DLGAP2: variants seen among roughly 807,000 people sequenced by gnomAD.
The protein encoded by DLGAP2 is DLG associated protein 2.
A neutral mutation model predicts 100.3 loss-of-function variants in DLGAP2; 26 were observed. The observed-to-expected ratio is 0.26, with a 90% CI of 0.19 to 0.36. The LOEUF is 0.36. Ranked by LOEUF, DLGAP2 falls within the 10% of genes least tolerant of loss-of-function variation. The probability of loss-of-function intolerance (pLI) is 1.00; values close to 1 mark genes in which losing one functional copy is unlikely to be tolerated. For missense variants in DLGAP2, 1,858 were observed against 1,453.2 expected (o/e 1.28, Z -4.53); for synonymous variants, 886 against 630.1 (o/e 1.41, Z -6.08).
In DLGAP2 at chr8:1,598,860, A is replaced by G. The variant is rs143797932; in HGVS notation, c.1443-27880A>G. Among the ~76,000 whole-genome samples the G allele has an allele frequency of 2.5e-3, 378 of 151,966 alleles. 2 individuals carry two copies. Among genetic ancestry groups the G allele is most frequent in the Non-Finnish European group, 3.3e-3 (223 of 67,970 alleles). On this transcript the variant is annotated intron_variant, in intron 6 of 14. Coordinates refer to ENST00000637795, the MANE Select transcript of DLGAP2 (RefSeq NM_001346810.2). ...TTTTTGAAGGGTTTTTCATGTCTCTATCTCCTTCAGTTCTTCTCTAATCTG... is the reference window on the plus strand; with the variant it reads ...TTTTTGAAGGGTTTTTCATGTCTCTGTCTCCTTCAGTTCTTCTCTAATCTG...
intron 2 of DLGAP2, among the ~76,000 whole-genome samples, chr8:953,281 G>A (rs997650713): frequency 2.0e-5 from 3 of 151,842 alleles, no homozygotes; most frequent in Non-Finnish European, 2.9e-5. Flanking sequence ...TGCAACCTCC[G>A]CCTCCCAGGT....
At chr8:1,225,079 T>C (rs188025182) in intron 2 of DLGAP2, among the ~76,000 whole-genome samples, 77 of 152,372 alleles carry the variant, frequency 5.1e-4, no homozygotes, top group African/African-American at 1.8e-3. Flanking sequence ...AATGCCATCC[T>C]GCCTGTGTGC....
intron 2 of DLGAP2, among the ~76,000 whole-genome samples, chr8:1,232,288 G>C (rs568880048): frequency 1.3e-5 from 2 of 152,228 alleles, no homozygotes; most frequent in African/African-American, 4.8e-5. Flanking sequence ...TCCCGGCTTG[G>C]CTTTGCTGTT....
chr8:1,472,436 T>C (rs1798829809), intron 3 of DLGAP2, among the ~76,000 whole-genome samples: 1 of 152,240 alleles, frequency 6.6e-6, no homozygotes, highest in Non-Finnish European at 1.5e-5. Context: ...GAGAATGACA[T>C]GGTCTGGTAT....
At chr8:1,121,047 G>C (rs1376284516) in intron 2 of DLGAP2, among the ~76,000 whole-genome samples, 1 of 150,324 alleles carries the variant, frequency 6.7e-6, no homozygotes, top group East Asian at 2.0e-4. Flanking sequence ...TGTCCCTTCA[G>C]AACCCATGAC....
intron 2 of DLGAP2, among the ~76,000 whole-genome samples, chr8:1,230,917 T>C: frequency 6.6e-6 from 1 of 151,778 alleles, no homozygotes; most frequent in East Asian, 1.9e-4. Context: ...AGAAAAAAAA[T>C]AGGAAACACC....
intron 3 of DLGAP2, among the ~76,000 whole-genome samples, chr8:1,492,342 C>T (rs1168488733): frequency 6.6e-6 from 1 of 152,154 alleles, no homozygotes; most frequent in Non-Finnish European, 1.5e-5. Context: ...ATTTAAACAG[C>T]CTTCAAATCC....
At chr8:855,652 A>G (rs1797263455) in intron 1 of DLGAP2, among the ~76,000 whole-genome samples, 1 of 152,142 alleles carries the variant, frequency 6.6e-6, no homozygotes, top group Non-Finnish European at 1.5e-5. Flanking sequence ...TTGGGGAAAG[A>G]ATGGAAGTGC....
At chr8:1,100,980 C>A (rs1302824347) in intron 2 of DLGAP2, among the ~76,000 whole-genome samples, 1 of 152,210 alleles carries the variant, frequency 6.6e-6, no homozygotes, top group African/African-American at 2.4e-5. Context: ...CCCGCATCAC[C>A]TGCAGTGATT....
chr8:1,136,243 A>G (rs975276549), intron 2 of DLGAP2, among the ~76,000 whole-genome samples: 1 of 151,988 alleles, frequency 6.6e-6, no homozygotes, highest in African/African-American at 2.4e-5. Context: ...GGTTGACCTC[A>G]CACCTGGCCT....
chr8:1,121,903 AT>A (rs1796059085), intron 2 of DLGAP2, among the ~76,000 whole-genome samples: 3 of 152,130 alleles, frequency 2.0e-5, no homozygotes, highest in African/African-American at 4.8e-5. Context: ...CATCTGTCCT[AT>A]TTTGGCCATT....
chr8:1,111,244 C>A (rs916691898), intron 2 of DLGAP2, among the ~76,000 whole-genome samples: 1 of 152,140 alleles, frequency 6.6e-6, no homozygotes, highest in African/African-American at 2.4e-5. Context: ...TTCCTGTTGG[C>A]GCTCCCAGAG....
chr8:1,368,937 C>T (rs1335931249), intron 3 of DLGAP2: 2 of 152,178 alleles, frequency 1.3e-5, no homozygotes, highest in African/African-American at 2.4e-5. Flanking sequence ...ACTGATCGTC[C>T]GTTCCTGTGC....
intron 2 of DLGAP2, among the ~76,000 whole-genome samples, chr8:973,446 G>A (rs377451958): frequency 1.2e-4 from 18 of 151,914 alleles, no homozygotes; most frequent in South Asian, 2.1e-4. Flanking sequence ...GGTCACGGCC[G>A]GGCAGAGGCG....
chr8:1,313,095 C>T (rs761691492), intron 3 of DLGAP2, among the ~76,000 whole-genome samples: 1 of 152,202 alleles, frequency 6.6e-6, no homozygotes, highest in Non-Finnish European at 1.5e-5. Context: ...CCCCTGGACC[C>T]GGTCAGATAT....
chr8:1,370,474 C>T (rs1802210911), intron 3 of DLGAP2, among the ~76,000 whole-genome samples: 1 of 152,224 alleles, frequency 6.6e-6, no homozygotes, highest in Non-Finnish European at 1.5e-5. Flanking sequence ...GGGCATTCCA[C>T]TCTCCTTTAT....
intron 3 of DLGAP2, among the ~76,000 whole-genome samples, chr8:1,420,996 G>C (rs1052013507): frequency 6.6e-6 from 1 of 152,220 alleles, no homozygotes. Flanking sequence ...CTCTCTCATG[G>C]GCTGTAGCTC....
At chr8:1,572,537 G>A (rs1390583503) in intron 6 of DLGAP2, among the ~76,000 whole-genome samples, 10 of 127,126 alleles carry the variant, frequency 7.9e-5, no homozygotes, top group African/African-American at 1.5e-4. Flanking sequence ...GGTGAACTGT[G>A]GGGGCGTCTG....
intron 1 of DLGAP2, among the ~76,000 whole-genome samples, chr8:806,551 C>T (rs539897254): frequency 3.3e-5 from 5 of 152,258 alleles, no homozygotes; most frequent in Admixed American, 2.0e-4. Context: ...CAGAGAGAGT[C>T]GATAGGTGCC....
Sources: allele counts gnomAD v4.1 joint callset (sites outside exome capture counted in the v4.1 genomes callset), GRCh38; gene constraint gnomAD v4.1.1; transcripts MANE v1.5; gene names NCBI Gene and HGNC (gene_info 2026-07-23, HGNC 2026-07-21).